The following PACRGL variants were observed in gnomAD, a reference collection of about 807,000 sequenced individuals.
The protein encoded by PACRGL is PACRG-like protein.
In PACRGL, 38 loss-of-function variants were observed where a neutral mutation model predicts 34.5. The ratio of observed to expected loss-of-function variants is 1.10; its 90% CI spans 0.85 to 1.44. The LOEUF is 1.44. Ranked by LOEUF, PACRGL falls within the 40% of genes most tolerant of loss-of-function variation. The pLI, the probability that PACRGL is intolerant of heterozygous loss-of-function variation, is 0.00. For missense variants in PACRGL, 305 were observed against 281.4 expected, an observed-to-expected ratio of 1.08 and a Z score of -0.60; for synonymous variants, 128 against 100.1, an observed-to-expected ratio of 1.28 and a Z score of -1.66.
chr4:20,712,972 G>A, intron 6 of PACRGL, 50 bp downstream of exon 6: 1 of 1,429,058 alleles, frequency 7.0e-7, no homozygotes, highest in Non-Finnish European at 9.3e-7. Context: ...TGATAGAAAA[G>A]AAAGCTGTAA....
chr4:20,718,646 G>A (rs1578257311), intron 7 of PACRGL, among the ~76,000 whole-genome samples: 1 of 152,200 alleles, frequency 6.6e-6, no homozygotes, highest in African/African-American at 2.4e-5. Flanking sequence ...ATTTGCATAT[G>A]TTGAACCAGC....
At chr4:20,760,258 A>G in the PACRGL span, among the ~76,000 whole-genome samples, 1 of 152,132 alleles carries the variant, frequency 6.6e-6, no homozygotes, top group South Asian at 2.1e-4. Flanking sequence ...ACGTCCACCC[A>G]GGACTAAGTT....
intron 8 of PACRGL, among the ~76,000 whole-genome samples, chr4:20,726,393 C>T (rs1220968496): frequency 6.6e-6 from 1 of 152,096 alleles, no homozygotes; most frequent in Admixed American, 6.6e-5. Flanking sequence ...TCTGACTCCT[C>T]TTGTTTCCTC....
At chr4:20,716,102 A>G in intron 7 of PACRGL, 1 of 1,524,716 alleles carries the variant, frequency 6.6e-7, no homozygotes, top group Non-Finnish European at 8.8e-7. Flanking sequence ...ATAAATATTT[A>G]CTAGGACCCT....
At chr4:20,765,744 A>G in the PACRGL span, among the ~76,000 whole-genome samples, 1 of 152,322 alleles carries the variant, frequency 6.6e-6, no homozygotes, top group Admixed American at 6.5e-5. Context: ...CTTCACTGTG[A>G]TATGATCACA....
At chr4:20,736,016 C>T (rs375719194), downstream of PACRGL, among the ~76,000 whole-genome samples, 9 of 152,188 alleles carry the variant, frequency 5.9e-5, 1 homozygote, top group South Asian at 1.9e-3. Context: ...CTGAATTTCT[C>T]AAAATGTTTT....
intron 5 of PACRGL, 166 bp from the exon 6 acceptor site, chr4:20,712,622 A>G: frequency 1.5e-6 from 1 of 649,198 alleles, no homozygotes; most frequent in Non-Finnish European, 2.3e-6. Context: ...CCTTTGTCCC[A>G]CAGTTTCTCA....
At chr4:20,732,607 A>G, downstream of PACRGL, 1 of 888,204 alleles carries the variant, frequency 1.1e-6, no homozygotes, top group South Asian at 1.3e-5. Context: ...CTTTTGAATC[A>G]TCGTGGTGCA....
intron 7 of PACRGL, among the ~76,000 whole-genome samples, chr4:20,722,545 A>C (rs562234780): frequency 6.6e-6 from 1 of 152,320 alleles, no homozygotes; most frequent in East Asian, 1.9e-4. Context: ...CAACTAGAGA[A>C]GCTCATGTGA....
chr4:20,764,793 G>A, the PACRGL span, among the ~76,000 whole-genome samples: 2 of 152,050 alleles, frequency 1.3e-5, no homozygotes, highest in African/African-American at 4.8e-5. Context: ...TGAGGCGTTT[G>A]GACAGGTCCC....
At chr4:20,703,405 G>A (rs1026244286) in intron 1 of PACRGL, among the ~76,000 whole-genome samples, 3 of 151,996 alleles carry the variant, frequency 2.0e-5, no homozygotes, top group Admixed American at 6.6e-5. Context: ...GAGAAACCAA[G>A]ATGAGGAAAG....
chr4:20,706,695 C>T (rs1223684346), intron 3 of PACRGL, among the ~76,000 whole-genome samples: 1 of 152,050 alleles, frequency 6.6e-6, no homozygotes, highest in Non-Finnish European at 1.5e-5. Flanking sequence ...CCTGCCTCAG[C>T]CTCCCGAGTA....
At chr4:20,705,096 C>T (rs1733930582) in intron 3 of PACRGL, among the ~76,000 whole-genome samples, 1 of 152,170 alleles carries the variant, frequency 6.6e-6, no homozygotes, top group Non-Finnish European at 1.5e-5. Context: ...TGTTGTTTTA[C>T]TTCCCCATAT....
intron 8 of PACRGL, among the ~76,000 whole-genome samples, chr4:20,743,222 C>T (rs2149312686): frequency 6.6e-6 from 1 of 152,218 alleles, no homozygotes; most frequent in South Asian, 2.1e-4. Context: ...TCAGTGCCAT[C>T]CCCATCAAGC....
intron 5 of PACRGL, among the ~76,000 whole-genome samples, chr4:20,710,837 A>T (rs559312862): frequency 1.1e-4 from 16 of 152,144 alleles, no homozygotes; most frequent in Admixed American, 2.0e-4. Context: ...ATTGCCGAGT[A>T]TTACAAGCAG....
intron 5 of PACRGL, 165 bp from the exon 6 acceptor site, chr4:20,712,623 C>A: frequency 3.1e-6 from 2 of 654,174 alleles, no homozygotes; most frequent in Non-Finnish European, 4.5e-6. Flanking sequence ...CTTTGTCCCA[C>A]AGTTTCTCAA....
intron 8 of PACRGL, among the ~76,000 whole-genome samples, chr4:20,726,395 T>C (rs535999637): frequency 2.6e-5 from 4 of 152,286 alleles, no homozygotes; most frequent in African/African-American, 9.6e-5. Flanking sequence ...TGACTCCTCT[T>C]GTTTCCTCCT....
At chr4:20,741,648 CAATT>C (rs1751141416) in intron 8 of PACRGL, among the ~76,000 whole-genome samples, 1 of 152,114 alleles carries the variant, frequency 6.6e-6, no homozygotes, top group Admixed American at 6.6e-5. Context: ...CCTAACATCA[CAATT>C]AAAAGAAGTA....
At chr4:20,746,701 A>C (rs1752495362) in intron 8 of PACRGL, among the ~76,000 whole-genome samples, 1 of 152,160 alleles carries the variant, frequency 6.6e-6, no homozygotes, top group Non-Finnish European at 1.5e-5. Flanking sequence ...GCTAAGGTTA[A>C]GAAGGTTAAG....
Sources: gnomAD v4.1 joint callset for allele counts (sites outside exome capture counted in the v4.1 genomes callset) on GRCh38, gnomAD v4.1.1 for gene constraint, MANE v1.5 for transcripts, NCBI Gene and HGNC (gene_info 2026-07-23, HGNC 2026-07-21) for gene names.